GLI4: variants seen among roughly 807,000 people sequenced by gnomAD.
GLI4 encodes the protein zinc finger protein GLI4.
A neutral mutation model predicts 30.9 loss-of-function variants in GLI4; 34 were observed. The observed-to-expected ratio is 1.10, with a 90% CI of 0.84 to 1.47. GLI4 has a LOEUF of 1.47. GLI4 is among the 40% of genes most tolerant of loss of function. GLI4 has a pLI of 0.00. For synonymous variants in GLI4, 277 were observed against 236.7 expected, an observed-to-expected ratio of 1.17 and a Z score of -1.56; for missense variants, 696 against 538.9, an observed-to-expected ratio of 1.29 and a Z score of -2.89.
At chr8:143,275,746 G>A (rs1285198081) in intron 3 of GLI4, 151 bp from the exon 4 acceptor site, 8 of 1,239,510 alleles carry the variant, frequency 6.5e-6, no homozygotes, top group Non-Finnish European at 8.1e-6. Flanking sequence ...CCGAGCCCCT[G>A]TCCGCTTGTC....
rs763071315 is a variant in GLI4, at chr8:143,275,290, A to G, written c.223+488A>G. Reference sequence around the variant, plus strand: ...GTTCCCTCTGGGCGATGTTAGTGATATGGCTGGATTTAACAGTGCTGAGCC... The same window carrying G: ...GTTCCCTCTGGGCGATGTTAGTGATGTGGCTGGATTTAACAGTGCTGAGCC... On this transcript the variant is annotated intron_variant, in intron 3 of 3. Coordinates refer to ENST00000340042, the MANE Select transcript of GLI4 (RefSeq NM_138465.4). The G allele has an allele frequency of 9.4e-6, 14 of 1,487,620 alleles. 1 individual carries two copies. Among genetic ancestry groups the G allele is most frequent in the Non-Finnish European group, 8.9e-7 (1 of 1,119,980 alleles). 92.2% of individuals were successfully genotyped at this position (1,487,620 alleles called of 1,614,324 possible). A position where few individuals can be genotyped will look rare whatever the true frequency, so the allele number is the denominator to read the frequency against.
intron 1 of GLI4, chr8:143,268,089 G>C: frequency 1.0e-6 from 1 of 985,370 alleles, no homozygotes; most frequent in African/African-American, 1.7e-5. Context: ...CCTTTTACCA[G>C]GTGTCCCCAG....
intron 3 of GLI4, chr8:143,275,155 C>G (rs753749877): frequency 1.7e-5 from 26 of 1,535,758 alleles, no homozygotes; most frequent in Non-Finnish European, 2.2e-5. Flanking sequence ...CCCAGATCCA[C>G]GAGTTATCCT....
intron 3 of GLI4, 120 bp downstream of exon 3, chr8:143,274,922 C>T: frequency 1.4e-6 from 2 of 1,477,714 alleles, no homozygotes; most frequent in Non-Finnish European, 1.8e-6. Context: ...GGCCCCTTTT[C>T]TTCCCTGGCA....
rs1815378163 is a variant in GLI4 at position 143,276,063 on chromosome 8, G to A, written c.390G>A (p.Pro130=). The A allele has an allele frequency of 2.9e-6, 4 of 1,388,292 alleles. No individual in the cohort carries two copies. The highest frequency in any genetic ancestry group is 3.0e-5 in the East Asian group (1 of 32,864). 86.0% of individuals were successfully genotyped at this position (1,388,292 alleles called of 1,614,324 possible). The change falls in exon 4 of 4, where the codon CCG becomes CCA. Residue 130 remains proline (P), a synonymous_variant. Transcript: ENST00000340042. ...GCGCGGAGCGGCCGGCGGGCCAGCC[G>A]CCTGGGGCCGTCCCTTGCGCCCAGC... ...ESSAERPAGQ[P]PGAVPCAQPR...
chr8:143,275,837 C>G lies in GLI4; in HGVS notation c.224-60C>G, dbSNP rs768338824. On this transcript the variant is annotated intron_variant, in intron 3 of 3. Transcript: ENST00000340042. ...CTCTGCTCTCACTCCCCGTCCCCGTCCCTCCGTGCCACGGTGGGGGCATGC... is the reference window on the plus strand; with the variant it reads ...CTCTGCTCTCACTCCCCGTCCCCGTGCCTCCGTGCCACGGTGGGGGCATGC... 5.9e-5 allele frequency: 74 copies of G among 1,253,908 alleles called. No individual in the cohort carries two copies. The African/African-American group carries it at 9.3e-4, about 16-fold the overall frequency. The allele number at this position is 1,253,908 out of a possible 1,614,324, so 77.7% of individuals were successfully genotyped here.
chr8:143,276,037 AGC>A lies in GLI4; in HGVS notation c.368_369del (p.Ala123GlyfsTer72). 7.2e-7 allele frequency: 1 copy of A among 1,383,624 alleles called. No homozygotes were observed. Among genetic ancestry groups the A allele is most frequent in the Non-Finnish European group, 9.3e-7 (1 of 1,072,638 alleles). 85.7% of individuals were successfully genotyped at this position (1,383,624 alleles called of 1,614,324 possible). A position where few individuals can be genotyped will look rare whatever the true frequency, so the allele number is the denominator to read the frequency against. ...RCSAGFGPES[S>X]AERPAGQPPG... ...CAGCGCCGGCTTCGGGCCTGAATCC[AGC>A]GCGGAGCGGCCGGCGGGCCAGCCGC... On this transcript the variant is annotated frameshift_variant, in exon 4 of 4. Transcript: ENST00000340042. LOFTEE classifies it high-confidence loss of function.
intron 1 of GLI4, chr8:143,267,978 C>CT: frequency 1.0e-6 from 1 of 985,444 alleles, no homozygotes; most frequent in Non-Finnish European, 1.2e-6. Context: ...GTCTGGAGCT[C>CT]AGAGTTTGTG....
chr8:143,268,492 G>T (rs1815190435), intron 1 of GLI4, among the ~76,000 whole-genome samples: 1 of 152,174 alleles, frequency 6.6e-6, no homozygotes, highest in Admixed American at 6.5e-5. Context: ...TGGACTAGGG[G>T]ATTCCAGCCT....
rs1196330063 is a variant in GLI4 at position 143,273,762 on chromosome 8, C to T, written c.125-942C>T. On this transcript the variant is annotated intron_variant, in intron 2 of 3. Transcript: ENST00000340042. The stretch of plus-strand genomic sequence containing the variant: ...TGTCATTGCTGGGGACACCCAGATT[C>T]GGCCTCACGGGGCTAAGAGACACAC... Among the ~76,000 whole-genome samples the T allele has an allele frequency of 4.6e-5, 7 of 152,224 alleles. No individual in the cohort carries two copies. In the East Asian group the frequency reaches 1.2e-3, roughly 25 times the overall value.
At chr8:143,268,700 G>T (rs371446315) in intron 1 of GLI4, among the ~76,000 whole-genome samples, 1 of 152,278 alleles carries the variant, frequency 6.6e-6, no homozygotes, top group South Asian at 2.1e-4. Flanking sequence ...TTCTCTGGGG[G>T]AGGGGTGATG....
At position 143,276,197 on chromosome 8, in the gene GLI4, G is replaced by A. The variant is rs1179016529; in HGVS notation, c.524G>A (p.Gly175Asp). 4 of 1,568,728 alleles carry A rather than the reference G, an allele frequency of 2.5e-6. No individual in the cohort carries two copies. Among genetic ancestry groups the A allele is most frequent in the East Asian group, 2.4e-5 (1 of 41,826 alleles). ...GTCAACTTCGGTCGGAGCCGGCAGG[G>A]CAGCGCGCGGGGGGCCAAGCCGCAC... ...LGVNFGRSRQ[G>D]SARGAKPHRC... The change falls in exon 4 of 4, where the codon GGC becomes GAC. Residue 175 changes from glycine to aspartate, a missense_variant. By Grantham distance (94) the Gly-to-Asp change is moderately conservative. Transcript: ENST00000340042.
intron 1 of GLI4, chr8:143,267,988 G>C (rs1261901698): frequency 1.0e-6 from 1 of 985,324 alleles, no homozygotes; most frequent in Non-Finnish European, 1.2e-6. Flanking sequence ...CAGAGTTTGT[G>C]CGTCCCTGGG....
chr8:143,274,698 C>A lies in GLI4; in HGVS notation c.125-6C>A. 6.5e-7 allele frequency: 1 copy of A among 1,548,720 alleles called. No individual in the cohort carries two copies. The highest frequency in any genetic ancestry group is 8.7e-7 in the Non-Finnish European group (1 of 1,143,402). Reference sequence around the variant, plus strand: ...GGAGGTGAGCCCCAGCCTCCCTGACCCCCAGGCTCCCCTGGCTCCAGCCCT... The same window carrying A: ...GGAGGTGAGCCCCAGCCTCCCTGACACCCAGGCTCCCCTGGCTCCAGCCCT... On this transcript the variant is annotated splice_region_variant and splice_polypyrimidine_tract_variant and intron_variant, in intron 2 of 3. Transcript: ENST00000340042.
chr8:143,270,203 C>T (rs1315736755), intron 2 of GLI4, among the ~76,000 whole-genome samples: 1 of 152,270 alleles, frequency 6.6e-6, no homozygotes, highest in Non-Finnish European at 1.5e-5. Context: ...CCGTGCCTGG[C>T]CCAGGAATGG....
Position 143,276,501 on chromosome 8 carries a change from C to A in GLI4, c.828C>A (p.Phe276Leu). ...PYKCGECGQA[F>L]SQSSNLVRHQ... ...AGTGCGGCGAGTGCGGCCAGGCCTT[C>A]AGCCAGAGCTCCAACCTGGTGCGCC... is the stretch of plus-strand genomic sequence containing the variant. Residue 276 changes from phenylalanine (F) to leucine (L), a missense_variant, in exon 4 of 4, where the codon TTC (phenylalanine) becomes TTA (leucine). Phe to Leu is a conservative substitution (Grantham distance 22). Transcript: ENST00000340042. 4 of 1,613,134 alleles carry A rather than the reference C, an allele frequency of 2.5e-6. No homozygotes were observed. Among genetic ancestry groups the A allele is most frequent in the Non-Finnish European group, 3.4e-6 (4 of 1,179,858 alleles).
At chr8:143,274,964 C>T (rs1420895662) in intron 3 of GLI4, 162 bp downstream of exon 3, 1 of 1,481,042 alleles carries the variant, frequency 6.8e-7, no homozygotes. Context: ...GCCCCTCCCC[C>T]ACTCTAATGC....
At chr8:143,275,527 CTG>C (rs1815364369) in intron 3 of GLI4, 1 of 1,264,120 alleles carries the variant, frequency 7.9e-7, no homozygotes, top group Admixed American at 3.9e-5. Context: ...GAGGCGCCCT[CTG>C]GAGCTCTGGC....
At chr8:143,273,608 C>T (rs114938334) in intron 2 of GLI4, among the ~76,000 whole-genome samples, 3,202 of 151,446 alleles carry the variant, frequency 0.021, 116 homozygotes, top group African/African-American at 0.073. Context: ...CTGGAAAGCC[C>T]CATGAAAAGC....
Sources: allele counts gnomAD v4.1 joint callset (sites outside exome capture counted in the v4.1 genomes callset), GRCh38; gene constraint gnomAD v4.1.1; transcripts MANE v1.5; gene names NCBI Gene and HGNC (gene_info 2026-07-23, HGNC 2026-07-21).